MRPS25: variants seen among roughly 807,000 people sequenced by gnomAD.
MRPS25 encodes small ribosomal subunit protein mS25.
MRPS25 carries 15 observed loss-of-function variants against 17.3 expected under a neutral mutation model. The ratio of observed to expected loss-of-function variants is 0.87; its 90% CI spans 0.58 to 1.34. The LOEUF (loss-of-function observed/expected upper bound fraction) is 1.34. Among genes scored for constraint, MRPS25 ranks in the 40% most tolerant of loss-of-function variants. The pLI, the probability that MRPS25 is intolerant of heterozygous loss-of-function variation, is 0.00. For synonymous variants in MRPS25, 94 were observed against 83.3 expected, an observed-to-expected ratio of 1.13 and a Z score of -0.70; for missense variants, 225 against 218.6, an observed-to-expected ratio of 1.03 and a Z score of -0.19.
downstream of MRPS25, chr3:15,043,286 CAAAA>C (rs755314681): frequency 3.0e-5 from 7 of 234,640 alleles, no homozygotes; most frequent in Non-Finnish European, 4.8e-5. Context: ...GGGCAAAAAA[CAAAA>C]AAAAAGGTTT....
In MRPS25 at chr3:15,051,884, C is replaced by G. The variant is rs1169213276; in HGVS notation, c.*557G>C. The stretch of plus-strand genomic sequence containing the variant: ...CCATCTCTGGCCCATGGCTAGGCCC[C>G]CCAGCAGGCAAGGGTAATCAACTGT... On this transcript the variant is annotated 3_prime_UTR_variant, in exon 4 of 4. Coordinates refer to ENST00000253686, the MANE Select transcript of MRPS25 (RefSeq NM_022497.5). 2 of 985,434 alleles carry G rather than the reference C, an allele frequency of 2.0e-6. No homozygotes were observed. Among genetic ancestry groups the G allele is most frequent in the Non-Finnish European group, 2.4e-6 (2 of 830,016 alleles). The allele number at this position is 985,434 out of a possible 1,614,324, so 61.0% of individuals were successfully genotyped here. A position where few individuals can be genotyped will look rare whatever the true frequency, so the allele number is the denominator to read the frequency against.
At chr3:15,044,660 A>T (rs1296493736), downstream of MRPS25, 1 of 152,266 alleles carries the variant, frequency 6.6e-6, no homozygotes, top group Non-Finnish European at 1.5e-5. Context: ...ATCAGATGAT[A>T]TCCAAAAAGA....
At chr3:15,055,932 G>A (rs1210397629) in intron 2 of MRPS25, among the ~76,000 whole-genome samples, 1 of 151,394 alleles carries the variant, frequency 6.6e-6, no homozygotes, top group African/African-American at 2.4e-5. Context: ...AAAAGCTTCA[G>A]GCCGGACGCA....
At position 15,049,903 on chromosome 3, in the gene MRPS25, G is replaced by T. The variant is rs772862365; in HGVS notation, c.*2538C>A. On this transcript the variant is annotated 3_prime_UTR_variant, in exon 4 of 4. Transcript: ENST00000253686. ...CTGAGTAACTGGGACCACAGCAGAT[G>T]ATACAGGTTTAGATGGTGCTGCCAG... 2 of 1,531,176 alleles carry T rather than the reference G, an allele frequency of 1.3e-6. No homozygotes were observed. The highest frequency in any genetic ancestry group is 1.2e-5 in the South Asian group (1 of 83,456). 94.8% of individuals were successfully genotyped at this position (1,531,176 alleles called of 1,614,324 possible). A position where few individuals can be genotyped will look rare whatever the true frequency, so the allele number is the denominator to read the frequency against.
intron 1 of MRPS25, 101 bp downstream of exon 1, chr3:15,064,960 G>A: frequency 7.6e-6 from 11 of 1,446,444 alleles, no homozygotes; most frequent in Non-Finnish European, 1.0e-5. Context: ...GCCCGCCCCG[G>A]GGATGAACGG....
At chr3:15,044,900 T>A (rs761649188), downstream of MRPS25, 5 of 152,280 alleles carry the variant, frequency 3.3e-5, no homozygotes, top group Non-Finnish European at 7.3e-5. Flanking sequence ...TGTTTCCAAC[T>A]TCTAAATTCT....
intron 1 of MRPS25, among the ~76,000 whole-genome samples, chr3:15,061,407 G>A (rs912977643): frequency 9.2e-5 from 14 of 152,172 alleles, no homozygotes; most frequent in African/African-American, 3.1e-4. Flanking sequence ...TGGTGGAGAC[G>A]GGGTTTCGCT....
At chr3:15,054,823 T>TA (rs1456251726) in intron 2 of MRPS25, among the ~76,000 whole-genome samples, 6 of 152,222 alleles carry the variant, frequency 3.9e-5, no homozygotes, top group African/African-American at 1.4e-4. Context: ...CCAGAATATA[T>TA]AAAAAACTCA....
downstream of MRPS25, chr3:15,044,432 C>T (rs1009341035): frequency 6.6e-6 from 1 of 152,076 alleles, no homozygotes; most frequent in African/African-American, 2.4e-5. Context: ...TTGTAGCAAC[C>T]AGAGTTTACA....
downstream of MRPS25, chr3:15,046,434 A>G (rs1262327242): frequency 2.0e-5 from 3 of 152,242 alleles, no homozygotes; most frequent in Admixed American, 6.5e-5. Flanking sequence ...GGGGATAGTT[A>G]CGGCAAGGAG....
rs1296290909 is a variant in MRPS25, at chr3:15,050,782, G to A, written c.*1659C>T. 14 of 887,868 alleles carry A rather than the reference G, an allele frequency of 1.6e-5. No homozygotes were observed. The highest frequency in any genetic ancestry group is 1.3e-4 in the Admixed American group (2 of 15,854). The allele number at this position is 887,868 out of a possible 1,614,324, so 55.0% of individuals were successfully genotyped here. On this transcript the variant is annotated 3_prime_UTR_variant, in exon 4 of 4. Coordinates refer to ENST00000253686, the MANE Select transcript of MRPS25 (RefSeq NM_022497.5). ...CTGCCCACCTTCCCCTCCCACCCCCGACAAGCCATCACCCCAAACCCAGAT... is the reference window on the plus strand; with the variant it reads ...CTGCCCACCTTCCCCTCCCACCCCCAACAAGCCATCACCCCAAACCCAGAT...
chr3:15,060,163 G>A (rs2042731854), intron 1 of MRPS25, among the ~76,000 whole-genome samples: 1 of 152,116 alleles, frequency 6.6e-6, no homozygotes, highest in African/African-American at 2.4e-5. Context: ...AACAATGGTG[G>A]TGAGAGACAT....
chr3:15,057,069 C>G (rs2042682581), intron 2 of MRPS25, among the ~76,000 whole-genome samples: 1 of 152,166 alleles, frequency 6.6e-6, no homozygotes, highest in South Asian at 2.1e-4. Context: ...CCAGGAGGCC[C>G]ACCACTCAAA....
At chr3:15,055,935 C>T (rs1254542330) in intron 2 of MRPS25, among the ~76,000 whole-genome samples, 1 of 151,016 alleles carries the variant, frequency 6.6e-6, no homozygotes, top group Non-Finnish European at 1.5e-5. Context: ...AGCTTCAGGC[C>T]GGACGCAGTG....
intron 1 of MRPS25, among the ~76,000 whole-genome samples, chr3:15,063,058 AAAAAG>A (rs2042801714): frequency 6.6e-6 from 1 of 152,194 alleles, no homozygotes; most frequent in African/African-American, 2.4e-5. Context: ...AAAAAAAAAA[AAAAAG>A]AAAGTTAATA....
At chr3:15,045,585 G>A (rs760220260), downstream of MRPS25, 1 of 152,702 alleles carries the variant, frequency 6.5e-6, no homozygotes, top group Non-Finnish European at 1.5e-5. Flanking sequence ...TCATGTCCAC[G>A]TAACCTGTAT....
rs755791006 is a variant in MRPS25 at position 15,049,641 on chromosome 3, G to A, written c.*2800C>T. On this transcript the variant is annotated 3_prime_UTR_variant, in exon 4 of 4. Transcript: ENST00000253686. ...GCAAGCTTATTCTCTAAGGATACGT[G>A]CTATCAAGGGCAAAAACAAGCTCCA... 1.3e-5 allele frequency: 7 copies of A among 528,228 alleles called. No homozygotes were observed. The highest frequency in any genetic ancestry group is 2.0e-5 in the African/African-American group (1 of 49,844). The allele number at this position is 528,228 out of a possible 1,614,324, so 32.7% of individuals were successfully genotyped here. A position where few individuals can be genotyped will look rare whatever the true frequency, so the allele number is the denominator to read the frequency against.
Position 15,050,561 on chromosome 3 carries a change from G to A in MRPS25, c.*1880C>T. Reference sequence around the variant, plus strand: ...GCAGCCAAGTAGAACGCCCAGGCAGGTGGTATCAAGGTCAAGACTTCAGTC... The same window carrying A: ...GCAGCCAAGTAGAACGCCCAGGCAGATGGTATCAAGGTCAAGACTTCAGTC... On this transcript the variant is annotated 3_prime_UTR_variant, in exon 4 of 4. Coordinates refer to ENST00000253686, the MANE Select transcript of MRPS25 (RefSeq NM_022497.5). 15 of 985,526 alleles carry A rather than the reference G, an allele frequency of 1.5e-5. No homozygotes were observed. Among genetic ancestry groups the A allele is most frequent in the Non-Finnish European group, 1.8e-5 (15 of 830,050 alleles). 61.0% of individuals were successfully genotyped at this position (985,526 alleles called of 1,614,324 possible).
At chr3:15,044,891 G>A (rs1219928388), downstream of MRPS25, 2 of 152,224 alleles carry the variant, frequency 1.3e-5, no homozygotes, top group African/African-American at 4.8e-5. Flanking sequence ...TGGGAACAGT[G>A]TTTCCAACTT....
Sources: gnomAD v4.1 joint callset for allele counts (sites outside exome capture counted in the v4.1 genomes callset) on GRCh38, gnomAD v4.1.1 for gene constraint, MANE v1.5 for transcripts, NCBI Gene and HGNC (gene_info 2026-07-23, HGNC 2026-07-21) for gene names.